The following LDLRAD3 variants were observed in gnomAD, a reference collection of about 807,000 sequenced individuals.
LDLRAD3 encodes low-density lipoprotein receptor class A domain-containing protein 3.
LDLRAD3 carries 20 observed loss-of-function variants against 29.4 expected under a neutral mutation model. The observed-to-expected ratio is 0.68, with a 90% CI of 0.48 to 0.99. The LOEUF is 0.99. Among genes scored for constraint, LDLRAD3 ranks in the 50% least tolerant of loss-of-function variants. The pLI is 0.00. For synonymous variants in LDLRAD3, 157 were observed against 192.7 expected (o/e 0.81, Z 1.53); for missense variants, 420 against 454.3 (o/e 0.92, Z 0.69).
rs546835300 is a variant in LDLRAD3, at chr11:36,214,864, C to T, written c.455-12221C>T. Among the ~76,000 whole-genome samples, 125 of 152,326 alleles carry T rather than the reference C, an allele frequency of 8.2e-4. 1 individual carries two copies. The highest frequency in any genetic ancestry group is 3.0e-3 in the African/African-American group (124 of 41,566). On this transcript the variant is annotated intron_variant, in intron 4 of 5. Coordinates refer to ENST00000315571, the MANE Select transcript of LDLRAD3 (RefSeq NM_174902.4). Reference sequence around the variant, plus strand: ...GGCCACAGAGTTAGAGACACTCTGCCGGCTTCTCCCAGCAAATTTTTACTA... The same window carrying T: ...GGCCACAGAGTTAGAGACACTCTGCTGGCTTCTCCCAGCAAATTTTTACTA...
chr11:36,034,596 G>A (rs1852280457), intron 1 of LDLRAD3, among the ~76,000 whole-genome samples: 1 of 152,222 alleles, frequency 6.6e-6, no homozygotes, highest in African/African-American at 2.4e-5. Flanking sequence ...TGGTCTACAA[G>A]GGAAATTCCA....
intron 4 of LDLRAD3, among the ~76,000 whole-genome samples, chr11:36,159,114 G>T (rs549281399): frequency 1.3e-5 from 2 of 152,150 alleles, no homozygotes; most frequent in African/African-American, 2.4e-5. Flanking sequence ...TAGAAATGAG[G>T]AAGAAGAAGA....
At chr11:36,019,564 A>T (rs1852067626) in intron 1 of LDLRAD3, among the ~76,000 whole-genome samples, 1 of 152,166 alleles carries the variant, frequency 6.6e-6, no homozygotes, top group Non-Finnish European at 1.5e-5. Flanking sequence ...CCAGCACTTC[A>T]GTGGCCGTTG....
intron 1 of LDLRAD3, among the ~76,000 whole-genome samples, chr11:35,995,354 G>A (rs1370804578): frequency 6.6e-6 from 1 of 152,196 alleles, no homozygotes; most frequent in East Asian, 1.9e-4. Context: ...ATTTTGAAAG[G>A]AATCTTTTCC....
chr11:36,128,136 G>GTATATGTATATATATATA (rs1853868684), intron 4 of LDLRAD3, among the ~76,000 whole-genome samples: 1 of 93,882 alleles, frequency 1.1e-5, no homozygotes, highest in Non-Finnish European at 2.2e-5. Context: ...ATATATATAT[G>GTATATGTATATATATATA]TATATGACAT....
rs551068580 is a variant in LDLRAD3 at position 35,958,568 on chromosome 11, CT to C, written c.46+14428del. Among the ~76,000 whole-genome samples the C allele has an allele frequency of 2.5e-3, 376 of 152,238 alleles. 1 individual carries two copies. Among genetic ancestry groups the C allele is most frequent in the African/African-American group, 8.9e-3 (369 of 41,560 alleles). ...TGTAGGTCAATTCTTGAGGGCCCTC[CT>C]TTTCCTGTAGGCTCTCTCAGGACTC... On this transcript the variant is annotated intron_variant, in intron 1 of 5. Coordinates refer to ENST00000315571, the MANE Select transcript of LDLRAD3 (RefSeq NM_174902.4).
At chr11:36,126,327 C>G (rs992847444) in intron 4 of LDLRAD3, among the ~76,000 whole-genome samples, 4 of 152,190 alleles carry the variant, frequency 2.6e-5, no homozygotes, top group African/African-American at 9.7e-5. Context: ...TTCTCCAGCC[C>G]TGTGCCCTGT....
At chr11:36,046,124 C>A (rs1365588640) in intron 2 of LDLRAD3, among the ~76,000 whole-genome samples, 1 of 152,112 alleles carries the variant, frequency 6.6e-6, no homozygotes, top group African/African-American at 2.4e-5. Flanking sequence ...TCATCCATGT[C>A]CCTGCAAAGG....
chr11:36,006,889 G>T (rs1280350428), intron 1 of LDLRAD3, among the ~76,000 whole-genome samples: 2 of 152,192 alleles, frequency 1.3e-5, no homozygotes, highest in Non-Finnish European at 2.9e-5. Context: ...TCCCCTTCCT[G>T]CAGGGGAAGT....
At chr11:36,131,877 G>A (rs1269029907) in intron 4 of LDLRAD3, among the ~76,000 whole-genome samples, 2 of 152,206 alleles carry the variant, frequency 1.3e-5, no homozygotes, top group Admixed American at 6.5e-5. Flanking sequence ...GACCAGAGGA[G>A]CTTAGGTGCT....
chr11:36,045,512 A>C (rs548847774), intron 2 of LDLRAD3, among the ~76,000 whole-genome samples: 2 of 152,142 alleles, frequency 1.3e-5, no homozygotes, highest in East Asian at 3.9e-4. Flanking sequence ...CCTTGTCCTC[A>C]CTTCTACTGA....
intron 1 of LDLRAD3, among the ~76,000 whole-genome samples, chr11:35,952,048 A>T (rs1293800292): frequency 1.3e-5 from 2 of 152,232 alleles, no homozygotes; most frequent in African/African-American, 4.8e-5. Flanking sequence ...TGTACATACT[A>T]TAATTTATTT....
intron 4 of LDLRAD3, among the ~76,000 whole-genome samples, chr11:36,203,936 A>C (rs1396583055): frequency 2.6e-5 from 4 of 152,028 alleles, no homozygotes; most frequent in African/African-American, 9.7e-5. Flanking sequence ...AGCTCACCAG[A>C]GGGGCCAGGA....
chr11:36,016,926 G>A (rs1329292477), intron 1 of LDLRAD3, among the ~76,000 whole-genome samples: 1 of 152,178 alleles, frequency 6.6e-6, no homozygotes, highest in African/African-American at 2.4e-5. Flanking sequence ...GGGGACCTCA[G>A]AAAGTTTGTG....
intron 1 of LDLRAD3, among the ~76,000 whole-genome samples, chr11:35,983,614 G>A (rs1358172646): frequency 6.6e-6 from 1 of 152,134 alleles, no homozygotes; most frequent in East Asian, 1.9e-4. Flanking sequence ...GGGTAATTAA[G>A]TTAAGGATTT....
intron 2 of LDLRAD3, among the ~76,000 whole-genome samples, chr11:36,061,253 C>T (rs928508140): frequency 3.3e-5 from 5 of 152,210 alleles, no homozygotes; most frequent in African/African-American, 1.2e-4. Context: ...ATTCTTCTGC[C>T]TCAGCCTCCT....
At chr11:36,225,592 G>T (rs561865194) in intron 4 of LDLRAD3, among the ~76,000 whole-genome samples, 1 of 152,242 alleles carries the variant, frequency 6.6e-6, no homozygotes, top group South Asian at 2.1e-4. Flanking sequence ...AGAGCAGAAC[G>T]CTGGGGCCAG....
At chr11:35,946,940 TC>T (rs1269744292) in intron 1 of LDLRAD3, among the ~76,000 whole-genome samples, 2 of 152,128 alleles carry the variant, frequency 1.3e-5, no homozygotes, top group African/African-American at 4.8e-5. Flanking sequence ...TTGCTTTTCA[TC>T]TTCAAAGAGA....
chr11:36,188,243 C>T (rs1854883839), intron 4 of LDLRAD3, among the ~76,000 whole-genome samples: 1 of 151,996 alleles, frequency 6.6e-6, no homozygotes, highest in South Asian at 2.1e-4. Context: ...ATATGACTAC[C>T]TACCTTCAAA....
Sources: gnomAD v4.1 joint callset for allele counts (sites outside exome capture counted in the v4.1 genomes callset) on GRCh38, gnomAD v4.1.1 for gene constraint, MANE v1.5 for transcripts, NCBI Gene and HGNC (gene_info 2026-07-23, HGNC 2026-07-21) for gene names.